SOCS4: variants seen among roughly 807,000 people sequenced by gnomAD.
The protein encoded by SOCS4 is SH2 domain containing SOCS box protein.
Under a neutral mutation model 34.1 loss-of-function variants are expected in SOCS4, and 20 were observed. That is an observed-to-expected ratio of 0.59 (90% confidence interval 0.41 to 0.85). SOCS4 has a LOEUF of 0.85. SOCS4 is among the 40% of genes least tolerant of loss of function. The probability of loss-of-function intolerance (pLI) is 0.00; values close to 1 mark genes in which losing one functional copy is unlikely to be tolerated. For synonymous variants in SOCS4, 180 were observed against 186.4 expected (o/e 0.97, Z 0.28); for missense variants, 479 against 532.4 (o/e 0.90, Z 0.99).
In SOCS4 at chr14:55,043,235, A is replaced by C; in HGVS notation, c.194A>C (p.Gln65Pro). 1 of 1,614,252 alleles carries C rather than the reference A, an allele frequency of 6.2e-7. No homozygotes were observed. Among genetic ancestry groups the C allele is most frequent in the Non-Finnish European group, 8.5e-7 (1 of 1,180,042 alleles). The change falls in exon 3 of 3, where the codon CAA becomes CCA. Residue 65 changes from glutamine to proline, a missense_variant. Physicochemically the swap from Gln to Pro is moderately conservative, Grantham distance 76. Coordinates refer to ENST00000555846, the MANE Select transcript of SOCS4 (RefSeq NM_199421.2). ...IEKTEVSLRN[Q>P]ERKHSCSSIE... is the part of the protein sequence containing the mutation. ...AAAACCGAAGTGTCTTTAAGGAACCAAGAAAGGAAGCACAGCTGTTCATCC... is the reference window on the plus strand; with the variant it reads ...AAAACCGAAGTGTCTTTAAGGAACCCAGAAAGGAAGCACAGCTGTTCATCC...
At chr14:55,032,015 C>T (rs1039178014) in intron 2 of SOCS4, 24 bp downstream of exon 2, 7 of 152,092 alleles carry the variant, frequency 4.6e-5, no homozygotes, top group Admixed American at 2.6e-4. Context: ...TCATGAATTT[C>T]GTAGGGAAAG....
chr14:55,040,288 A>AGG (rs1407511415), intron 2 of SOCS4, among the ~76,000 whole-genome samples: 2 of 152,224 alleles, frequency 1.3e-5, no homozygotes, highest in Non-Finnish European at 2.9e-5. Context: ...TGCGTATCCA[A>AGG]GGGAGATTGG....
chr14:55,031,567 A>G (rs1363535114), intron 1 of SOCS4, among the ~76,000 whole-genome samples: 1 of 152,186 alleles, frequency 6.6e-6, no homozygotes, highest in African/African-American at 2.4e-5. Context: ...TAGTGTCCAC[A>G]AGAGTACAGA....
intron 1 of SOCS4, among the ~76,000 whole-genome samples, chr14:55,028,943 G>A (rs577214767): frequency 1.3e-5 from 2 of 152,294 alleles, no homozygotes; most frequent in East Asian, 1.9e-4. Flanking sequence ...ATGTATAAAA[G>A]TAATTGTTAT....
Position 55,039,417 on chromosome 14 carries a change from G to A in SOCS4, c.-90-3535G>A, listed in dbSNP as rs1000432630. 4.0e-5 allele frequency among the ~76,000 whole-genome samples: 6 copies of A among 151,500 alleles called. No individual in the cohort carries two copies. The East Asian group carries it at 7.8e-4, about 20-fold the overall frequency. On this transcript the variant is annotated intron_variant, in intron 2 of 2. Coordinates refer to ENST00000555846, the MANE Select transcript of SOCS4 (RefSeq NM_199421.2). ...TGCACCACTGCACTCCAGCCTGGGCGATAGAGACCCTGTCTTAAAAAAATA... is the reference window on the plus strand; with the variant it reads ...TGCACCACTGCACTCCAGCCTGGGCAATAGAGACCCTGTCTTAAAAAAATA...
At position 55,044,496 on chromosome 14, in the gene SOCS4, TAATA is replaced by T; in HGVS notation, c.*136_*139del. 1.7e-6 allele frequency: 1 copy of T among 579,734 alleles called. No individual in the cohort carries two copies. The highest frequency in any genetic ancestry group is 5.9e-5 in the South Asian group (1 of 17,058). The allele number at this position is 579,734 out of a possible 1,614,324, so 35.9% of individuals were successfully genotyped here. ...ATAAAATCTCTGCCCTAAATTTTAC[TAATA>T]AATCCATTTTTCTAGTGATACACAA... On this transcript the variant is annotated 3_prime_UTR_variant, in exon 3 of 3. Coordinates refer to ENST00000555846, the MANE Select transcript of SOCS4 (RefSeq NM_199421.2).
chr14:55,039,612 G>A (rs1594613216), intron 2 of SOCS4, among the ~76,000 whole-genome samples: 1 of 152,266 alleles, frequency 6.6e-6, no homozygotes, highest in Non-Finnish European at 1.5e-5. Flanking sequence ...CACAGGTAGA[G>A]GCCAGGCGCG....
chr14:55,040,878 A>G (rs2042611929), intron 2 of SOCS4, among the ~76,000 whole-genome samples: 1 of 151,704 alleles, frequency 6.6e-6, no homozygotes, highest in Admixed American at 6.6e-5. Context: ...CATAATAACT[A>G]TAATCACCAG....
Position 55,043,501 on chromosome 14 carries a change from A to G in SOCS4, c.460A>G (p.Ile154Val), listed in dbSNP as rs1323106507. 1.3e-5 allele frequency: 21 copies of G among 1,614,100 alleles called. No homozygotes were observed. The highest frequency in any genetic ancestry group is 2.2e-5 in the South Asian group (2 of 91,092). Residue 154 changes from isoleucine to valine, a missense_variant, in exon 3 of 3, where the codon ATA (isoleucine) becomes GTA (valine). Ile to Val is a conservative substitution (Grantham distance 29). Transcript: ENST00000555846. ...TTTTATTAAACGACACACTGCTCCT[A>G]TAAATTCCAAATCAGATGAATGGGT... ...WHFIKRHTAP[I>V]NSKSDEWVST...
At chr14:55,037,184 G>T (rs181514648) in intron 2 of SOCS4, among the ~76,000 whole-genome samples, 1 of 148,546 alleles carries the variant, frequency 6.7e-6, no homozygotes, top group Non-Finnish European at 1.5e-5. Flanking sequence ...TCACTCTGTC[G>T]CCCAGGCTAG....
Position 55,043,896 on chromosome 14 carries a change from A to T in SOCS4, c.855A>T (p.Pro285=). 1 of 1,614,148 alleles carries T rather than the reference A, an allele frequency of 6.2e-7. No homozygotes were observed. The highest frequency in any genetic ancestry group is 8.5e-7 in the Non-Finnish European group (1 of 1,180,004). Reference sequence around the variant, plus strand: ...ACCTCCTTCAGATCAATAACAACCCATGTTACTGGGGAGTGATGGATAAAT... The same window carrying T: ...ACCTCCTTCAGATCAATAACAACCCTTGTTACTGGGGAGTGATGGATAAAT... ...VPDLLQINNN[P]CYWGVMDKYA... Residue 285 remains proline, a synonymous_variant, in exon 3 of 3, where the codon CCA becomes CCT. Transcript: ENST00000555846.
Position 55,043,873 on chromosome 14 carries a change from C to A in SOCS4, c.832C>A (p.Leu278Ile), listed in dbSNP as rs1207304512. ...IDYVHCLVPD[L>I]LQINNNPCYW... The stretch of plus-strand genomic sequence containing the variant: ...TTATGTCCACTGTCTTGTACCAGAC[C>A]TCCTTCAGATCAATAACAACCCATG... The change falls in exon 3 of 3, where the codon CTC (leucine) becomes ATC (isoleucine). Residue 278 changes from leucine (L) to isoleucine (I), a missense_variant. By Grantham distance (5) the Leu-to-Ile change is conservative. Coordinates refer to ENST00000555846, the MANE Select transcript of SOCS4 (RefSeq NM_199421.2). The A allele has an allele frequency of 6.2e-7, 1 of 1,614,140 alleles. No individual in the cohort carries two copies. Among genetic ancestry groups the A allele is most frequent in the African/African-American group, 1.3e-5 (1 of 75,038 alleles).
At chr14:55,036,421 G>A (rs909341419) in intron 2 of SOCS4, among the ~76,000 whole-genome samples, 1 of 150,866 alleles carries the variant, frequency 6.6e-6, no homozygotes, top group African/African-American at 2.4e-5. Context: ...TTGGCTCACT[G>A]CAACCTCTGC....
Position 55,044,965 on chromosome 14 carries a change from T to C in SOCS4, c.*601T>C, listed in dbSNP as rs1594617136. On this transcript the variant is annotated 3_prime_UTR_variant, in exon 3 of 3. Coordinates refer to ENST00000555846, the MANE Select transcript of SOCS4 (RefSeq NM_199421.2). The stretch of plus-strand genomic sequence containing the variant: ...CCAAGTCAAACTTGGTGTATTTTTA[T>C]TTTAAATATTAACTCTAAAGCAGGA... 6.0e-6 allele frequency: 1 copy of C among 167,136 alleles called. No homozygotes were observed. Among genetic ancestry groups the C allele is most frequent in the East Asian group, 1.9e-4 (1 of 5,196 alleles). 10.4% of individuals were successfully genotyped at this position (167,136 alleles called of 1,614,324 possible). A position where few individuals can be genotyped will look rare whatever the true frequency, so the allele number is the denominator to read the frequency against.
rs2140250074 is a variant in SOCS4 at position 55,044,071 on chromosome 14, T to C, written c.1030T>C (p.Phe344Leu). Residue 344 changes from phenylalanine to leucine, a missense_variant, in exon 3 of 3, where the codon TTT becomes CTT. By Grantham distance (22) the Phe-to-Leu change is conservative. Coordinates refer to ENST00000555846, the MANE Select transcript of SOCS4 (RefSeq NM_199421.2). The stretch of plus-strand genomic sequence containing the variant: ...TGAACAGTGGAATCACAACTTTAGC[T>C]TTGATGCACATGACCCCTGTGTCTT... ...RIEQWNHNFS[F>L]DAHDPCVFHS... The C allele has an allele frequency of 6.2e-7, 1 of 1,614,172 alleles. No homozygotes were observed. The highest frequency in any genetic ancestry group is 1.1e-5 in the South Asian group (1 of 91,080).
intron 2 of SOCS4, among the ~76,000 whole-genome samples, chr14:55,033,153 C>A (rs903234639): frequency 6.6e-6 from 1 of 152,074 alleles, no homozygotes; most frequent in Non-Finnish European, 1.5e-5. Flanking sequence ...GGATTCAGAA[C>A]CCTACACTTT....
In SOCS4 at chr14:55,043,617, T is replaced by C. The variant is rs772155411; in HGVS notation, c.576T>C (p.Asn192=). 1.2e-5 allele frequency: 19 copies of C among 1,614,190 alleles called. No individual in the cohort carries two copies. In the South Asian group the frequency reaches 2.1e-4, roughly 18 times the overall value. Residue 192 remains asparagine (N), a synonymous_variant, in exon 3 of 3, where the codon AAT becomes AAC. Coordinates refer to ENST00000555846, the MANE Select transcript of SOCS4 (RefSeq NM_199421.2). ...ATATAAACTGTTTCTCACATACCAATGTTCAGCCCTGTGTCATAACCACCG... is the reference window on the plus strand; with the variant it reads ...ATATAAACTGTTTCTCACATACCAACGTTCAGCCCTGTGTCATAACCACCG... ...EENINCFSHT[N]VQPCVITTDN... is the part of the protein sequence containing the mutation.
intron 1 of SOCS4, among the ~76,000 whole-genome samples, chr14:55,028,130 T>C (rs139322894): frequency 6.6e-6 from 1 of 152,352 alleles, no homozygotes; most frequent in African/African-American, 2.4e-5. Flanking sequence ...CCTGAGACGT[T>C]TTTCTGTTGA....
chr14:55,042,864 T>C, intron 2 of SOCS4, 88 bp from the exon 3 acceptor site: 1 of 581,454 alleles, frequency 1.7e-6, no homozygotes. Flanking sequence ...TAACTGTGCT[T>C]TTCCCTCTTG....
Sources: gnomAD v4.1 joint callset for allele counts (sites outside exome capture counted in the v4.1 genomes callset) on GRCh38, gnomAD v4.1.1 for gene constraint, MANE v1.5 for transcripts, NCBI Gene and HGNC (gene_info 2026-07-23, HGNC 2026-07-21) for gene names.